Variants in NAALADL2 observed in about 807,000 individuals in gnomAD.
NAALADL2 encodes inactive N-acetylated-alpha-linked acidic dipeptidase-like protein 2.
Under a neutral mutation model 87.2 loss-of-function variants are expected in NAALADL2, and 76 were observed. The ratio of observed to expected loss-of-function variants is 0.87; its 90% CI spans 0.72 to 1.05. The LOEUF is 1.05. Ranked by LOEUF, NAALADL2 falls within the 50% of genes least tolerant of loss-of-function variation. NAALADL2 has a pLI of 0.00. For synonymous variants in NAALADL2, 354 were observed against 331.0 expected (o/e 1.07, Z -0.75); for missense variants, 1,089 against 945.8 (o/e 1.15, Z -1.99).
intron 9 of NAALADL2, among the ~76,000 whole-genome samples, chr3:175,499,487 T>G (rs925408683): frequency 7.6e-6 from 1 of 131,144 alleles, no homozygotes; most frequent in African/African-American, 4.3e-5. Flanking sequence ...ACCTAAGGAA[T>G]TTTTTTTTTC....
rs1753629862 is a variant in NAALADL2 at position 175,797,404 on chromosome 3, T to C, written c.2190-5601T>C. ...TGTATGCAAATAAGATAGTGATTTA[T>C]TGAATTAGATCTATGCTAACACAAT... On this transcript the variant is annotated intron_variant, in intron 13 of 13. Transcript: ENST00000454872. Among the ~76,000 whole-genome samples the C allele has an allele frequency of 2.0e-5, 3 of 152,280 alleles. No homozygotes were observed. The South Asian group carries it at 6.2e-4, about 32-fold the overall frequency.
chr3:174,666,030 ACT>A (rs1725924520), intron 2 of NAALADL2, among the ~76,000 whole-genome samples: 1 of 152,040 alleles, frequency 6.6e-6, no homozygotes, highest in African/African-American at 2.4e-5. Flanking sequence ...ACCTACAAAG[ACT>A]CTATTTCCAA....
intron 1 of NAALADL2, chr3:175,059,234 C>G (rs556211872): frequency 6.6e-6 from 1 of 151,926 alleles, no homozygotes; most frequent in East Asian, 1.9e-4. Context: ...GTGAAATATT[C>G]TGTTATCTCT....
At chr3:174,849,972 G>T (rs191612867) in intron 3 of NAALADL2, among the ~76,000 whole-genome samples, 1 of 151,952 alleles carries the variant, frequency 6.6e-6, no homozygotes, top group Non-Finnish European at 1.5e-5. Context: ...ATATTTCTCT[G>T]TCACTTACCT....
chr3:175,714,591 G>C (rs932039817), intron 11 of NAALADL2, among the ~76,000 whole-genome samples: 18 of 151,810 alleles, frequency 1.2e-4, no homozygotes, highest in Non-Finnish European at 1.8e-4. Flanking sequence ...CTTTTTTCTT[G>C]TACATTTGTT....
chr3:175,188,659 C>T (rs1397068355), intron 2 of NAALADL2, among the ~76,000 whole-genome samples: 1 of 152,106 alleles, frequency 6.6e-6, no homozygotes, highest in South Asian at 2.1e-4. Context: ...TTCCCTGGCT[C>T]CCCAGGAAGT....
At chr3:174,853,721 T>C (rs9831995) in intron 3 of NAALADL2, among the ~76,000 whole-genome samples, 30,575 of 151,980 alleles carry the variant, frequency 0.2, 3,300 homozygotes, top group East Asian at 0.44. Flanking sequence ...GGGCCAAAGA[T>C]CTGAATAGAC....
intron 2 of NAALADL2, among the ~76,000 whole-genome samples, chr3:175,133,524 A>G (rs1321360934): frequency 6.6e-6 from 1 of 152,232 alleles, no homozygotes; most frequent in Admixed American, 6.5e-5. Context: ...GCTGGAGACC[A>G]GCCCGGTCAA....
intron 1 of NAALADL2, among the ~76,000 whole-genome samples, chr3:175,062,820 A>G (rs1713787701): frequency 1.3e-5 from 2 of 152,122 alleles, no homozygotes; most frequent in African/African-American, 4.8e-5. Flanking sequence ...TTTAGCAAGC[A>G]CTCACAGACT....
intron 9 of NAALADL2, among the ~76,000 whole-genome samples, chr3:175,498,324 C>T (rs1560655258): frequency 3.3e-5 from 5 of 152,102 alleles, no homozygotes; most frequent in Non-Finnish European, 2.9e-5. Context: ...TACTCTTCAG[C>T]GCAGTGTATG....
chr3:174,453,553 C>T (rs1203556890), intron 1 of NAALADL2, among the ~76,000 whole-genome samples: 1 of 152,200 alleles, frequency 6.6e-6, no homozygotes, highest in Non-Finnish European at 1.5e-5. Context: ...AGCCCATCAG[C>T]TAACAATGGA....
intron 9 of NAALADL2, among the ~76,000 whole-genome samples, chr3:175,567,998 G>A (rs1470893214): frequency 1.3e-5 from 2 of 152,188 alleles, no homozygotes; most frequent in East Asian, 1.9e-4. Context: ...TTACAGGTGT[G>A]AGCCACTGCG....
At chr3:174,827,107 A>G (rs1722081234) in intron 3 of NAALADL2, among the ~76,000 whole-genome samples, 1 of 152,172 alleles carries the variant, frequency 6.6e-6, no homozygotes, top group African/African-American at 2.4e-5. Context: ...AAAATCCTGG[A>G]AGATATCATG....
At chr3:174,701,484 CAT>C (rs1289278052) in intron 2 of NAALADL2, among the ~76,000 whole-genome samples, 1 of 152,026 alleles carries the variant, frequency 6.6e-6, no homozygotes, top group East Asian at 1.9e-4. Flanking sequence ...ATAAACTACA[CAT>C]ATTTAAATTG....
At chr3:174,833,887 A>T (rs988829888) in intron 3 of NAALADL2, among the ~76,000 whole-genome samples, 2 of 150,826 alleles carry the variant, frequency 1.3e-5, no homozygotes, top group Non-Finnish European at 3.0e-5. Context: ...ACCAAAATTG[A>T]AAAAGATTGT....
At chr3:174,560,758 C>T (rs1713502811) in intron 2 of NAALADL2, among the ~76,000 whole-genome samples, 1 of 151,954 alleles carries the variant, frequency 6.6e-6, no homozygotes, top group African/African-American at 2.4e-5. Context: ...ATGTCCTCTC[C>T]CTCTCATACT....
At chr3:175,201,108 G>T (rs1306835405) in intron 2 of NAALADL2, among the ~76,000 whole-genome samples, 2 of 152,156 alleles carry the variant, frequency 1.3e-5, no homozygotes, top group Middle Eastern at 3.4e-3. Flanking sequence ...CAATGTTTTT[G>T]TTTTTTAAAT....
chr3:174,949,964 A>G (rs891636771), intron 1 of NAALADL2, among the ~76,000 whole-genome samples: 2 of 152,136 alleles, frequency 1.3e-5, no homozygotes, highest in African/African-American at 4.8e-5. Context: ...GTCTATTTGC[A>G]TTGGAACCAT....
chr3:175,228,488 C>A (rs1744478520), intron 2 of NAALADL2, among the ~76,000 whole-genome samples: 1 of 149,668 alleles, frequency 6.7e-6, no homozygotes, highest in Non-Finnish European at 1.5e-5. Context: ...CCTGAGGTGA[C>A]AGAATCATAA....
Sources: gnomAD v4.1 joint callset for allele counts (sites outside exome capture counted in the v4.1 genomes callset) on GRCh38, gnomAD v4.1.1 for gene constraint, MANE v1.5 for transcripts, NCBI Gene and HGNC (gene_info 2026-07-23, HGNC 2026-07-21) for gene names.